Variants in XKR7 observed in about 807,000 individuals in gnomAD.
XKR7 encodes the protein XK-related protein 7.
XKR7 carries 11 observed loss-of-function variants against 42.2 expected under a neutral mutation model. The ratio of observed to expected loss-of-function variants is 0.26; its 90% confidence interval spans 0.16 to 0.43. The LOEUF (loss-of-function observed/expected upper bound fraction) is 0.43, where lower values mean the gene tolerates loss of function less well. Among genes scored for constraint, XKR7 ranks in the 20% least tolerant of loss-of-function variants. XKR7 has a pLI of 1.00. For synonymous variants in XKR7, 346 were observed against 366.4 expected (o/e 0.94, Z 0.64); for missense variants, 710 against 802.2 (o/e 0.89, Z 1.39).
In XKR7 at chr20:31,999,914, C is replaced by G. The variant is rs2064616184; in HGVS notation, c.*2457C>G. The G allele has an allele frequency of 6.6e-6, 1 of 152,258 alleles. No individual in the cohort carries two copies. Among genetic ancestry groups the G allele is most frequent in the Admixed American group, 6.6e-5 (1 of 15,258 alleles). The allele number at this position is 152,258 out of a possible 1,614,324, so 9.4% of individuals were successfully genotyped here. On this transcript the variant is annotated 3_prime_UTR_variant, in exon 3 of 3. Coordinates refer to ENST00000562532, the MANE Select transcript of XKR7 (RefSeq NM_001011718.2). The stretch of plus-strand genomic sequence containing the variant: ...GGTCCTTTACACTCCAGGAGACTCC[C>G]AAGGGGCAGGGATGTGCTGGCAGGG...
Position 31,999,184 on chromosome 20 carries a change from C to T in XKR7, c.*1727C>T, listed in dbSNP as rs1289042924. 1 of 152,148 alleles carries T rather than the reference C, an allele frequency of 6.6e-6. No individual in the cohort carries two copies. Among genetic ancestry groups the T allele is most frequent in the Non-Finnish European group, 1.5e-5 (1 of 68,030 alleles). 9.4% of individuals were successfully genotyped at this position (152,148 alleles called of 1,614,324 possible). A position where few individuals can be genotyped will look rare whatever the true frequency, so the allele number is the denominator to read the frequency against. ...ATGCAAATTAGAGGGATGCTTAGCC[C>T]TCCCTGGTTCAGCCTCTCTTGGGTT... On this transcript the variant is annotated 3_prime_UTR_variant, in exon 3 of 3. Transcript: ENST00000562532.
intron 1 of XKR7, among the ~76,000 whole-genome samples, chr20:31,973,567 G>T (rs2064473436): frequency 6.6e-6 from 1 of 152,172 alleles, no homozygotes; most frequent in Non-Finnish European, 1.5e-5. Context: ...AGATAGGGTG[G>T]TCAGGGTGGA....
chr20:31,991,859 T>A (rs1395949951), intron 1 of XKR7, among the ~76,000 whole-genome samples: 1 of 152,236 alleles, frequency 6.6e-6, no homozygotes, highest in Admixed American at 6.5e-5. Flanking sequence ...GGCCCACACC[T>A]GTTATCCCAG....
At position 31,968,363 on chromosome 20, in the gene XKR7, C is replaced by A; in HGVS notation, c.188C>A (p.Ala63Glu). The A allele has an allele frequency of 6.2e-7, 1 of 1,610,330 alleles. No homozygotes were observed. Among genetic ancestry groups the A allele is most frequent in the Non-Finnish European group, 8.5e-7 (1 of 1,179,274 alleles). The stretch of plus-strand genomic sequence containing the variant: ...CGGGACTGCTGCTGGGTGCTGTGCG[C>A]GCTGCTCGTGTTCTTCTCCGACGGT... ...ELRDCCWVLC[A>E]LLVFFSDGAT... The change falls in exon 1 of 3, where the codon GCG becomes GAG. Residue 63 changes from alanine (A) to glutamate (E), a missense_variant. Coordinates refer to ENST00000562532, the MANE Select transcript of XKR7 (RefSeq NM_001011718.2). The surrounding 1 kb of genome is among the most constrained non-coding windows in gnomAD (Gnocchi z 4.5).
Position 31,999,151 on chromosome 20 carries a change from C to T in XKR7, c.*1694C>T, listed in dbSNP as rs1371482673. ...CTGGAGTGAGGTGGGCCATGAGAAT[C>T]CTAGACTATGCAAATTAGAGGGATG... On this transcript the variant is annotated 3_prime_UTR_variant, in exon 3 of 3. Coordinates refer to ENST00000562532, the MANE Select transcript of XKR7 (RefSeq NM_001011718.2). The T allele has an allele frequency of 6.6e-6, 1 of 151,772 alleles. No homozygotes were observed. The highest frequency in any genetic ancestry group is 2.4e-5 in the African/African-American group (1 of 41,300). 9.4% of individuals were successfully genotyped at this position (151,772 alleles called of 1,614,324 possible). A position where few individuals can be genotyped will look rare whatever the true frequency, so the allele number is the denominator to read the frequency against.
In XKR7 at chr20:31,999,555, G is replaced by A. The variant is rs573496726; in HGVS notation, c.*2098G>A. On this transcript the variant is annotated 3_prime_UTR_variant, in exon 3 of 3. Coordinates refer to ENST00000562532, the MANE Select transcript of XKR7 (RefSeq NM_001011718.2). Reference sequence around the variant, plus strand: ...GGCTGACCCAGGCCCACTCTGTTGGGTTCATCCATCCTCCAAATCCATCTT... The same window carrying A: ...GGCTGACCCAGGCCCACTCTGTTGGATTCATCCATCCTCCAAATCCATCTT... 5.3e-5 allele frequency: 8 copies of A among 152,306 alleles called. No individual in the cohort carries two copies. In the East Asian group the frequency reaches 1.5e-3, roughly 29 times the overall value. 9.4% of individuals were successfully genotyped at this position (152,306 alleles called of 1,614,324 possible). A position where few individuals can be genotyped will look rare whatever the true frequency, so the allele number is the denominator to read the frequency against.
At position 31,990,105 on chromosome 20, in the gene XKR7, C is replaced by T. The variant is rs185538157; in HGVS notation, c.585-4963C>T. Among the ~76,000 whole-genome samples the T allele has an allele frequency of 1.3e-4, 20 of 152,182 alleles. No individual in the cohort carries two copies. In the Middle Eastern group the frequency reaches 0.014, roughly 104 times the overall value. On this transcript the variant is annotated intron_variant, in intron 1 of 2. Transcript: ENST00000562532. Reference sequence around the variant, plus strand: ...TTGCCTGGTGGTGAGGAGGAGCCAGCGGCCCCTGCCCAGTGTATGCTACTC... The same window carrying T: ...TTGCCTGGTGGTGAGGAGGAGCCAGTGGCCCCTGCCCAGTGTATGCTACTC...
At position 31,995,974 on chromosome 20, in the gene XKR7, A is replaced by C. The variant is rs2064589402; in HGVS notation, c.788-531A>C. On this transcript the variant is annotated intron_variant, in intron 2 of 2. Transcript: ENST00000562532. This position sits in a 1 kb window ranked among gnomAD's most constrained non-coding sequence, Gnocchi z 4.1. Reference sequence around the variant, plus strand: ...TCATGGCCCTGGGGACCCCTTGCCCAGTTACGGGGTCCCAATCACAACGCT... The same window carrying C: ...TCATGGCCCTGGGGACCCCTTGCCCCGTTACGGGGTCCCAATCACAACGCT... Among the ~76,000 whole-genome samples, 1 of 151,826 alleles carries C rather than the reference A, an allele frequency of 6.6e-6. No individual in the cohort carries two copies. Among genetic ancestry groups the C allele is most frequent in the African/African-American group, 2.4e-5 (1 of 41,298 alleles).
chr20:31,982,718 A>G (rs73903696), intron 1 of XKR7, among the ~76,000 whole-genome samples: 2 of 152,284 alleles, frequency 1.3e-5, no homozygotes, highest in African/African-American at 4.8e-5. Context: ...GACCCCAAAG[A>G]ATACTTGCCC....
intron 1 of XKR7, among the ~76,000 whole-genome samples, chr20:31,969,607 C>A (rs1380497767): frequency 6.6e-6 from 1 of 152,212 alleles, no homozygotes; most frequent in African/African-American, 2.4e-5. Flanking sequence ...GTAGCTTAGG[C>A]CCTTCTGTGC....
At chr20:31,987,897 A>C (rs2064550260) in intron 1 of XKR7, among the ~76,000 whole-genome samples, 1 of 152,218 alleles carries the variant, frequency 6.6e-6, no homozygotes, top group Non-Finnish European at 1.5e-5. Context: ...GGATTCCAGG[A>C]TTTTGGAACT....
chr20:31,970,366 C>T (rs2064459348), intron 1 of XKR7: 1 of 152,224 alleles, frequency 6.6e-6, no homozygotes, highest in Non-Finnish European at 1.5e-5. Context: ...TACTTCTCTT[C>T]TTTGTTAAGC....
chr20:31,969,820 G>A (rs1006003743), intron 1 of XKR7, among the ~76,000 whole-genome samples: 2 of 152,206 alleles, frequency 1.3e-5, no homozygotes, highest in Non-Finnish European at 2.9e-5. Context: ...TTTTAAGAGT[G>A]TGGGGAAAGC....
At chr20:31,977,238 A>G (rs1340580687) in intron 1 of XKR7, among the ~76,000 whole-genome samples, 1 of 152,178 alleles carries the variant, frequency 6.6e-6, no homozygotes, top group Non-Finnish European at 1.5e-5. Context: ...GTACTCAATA[A>G]ATGTTGGTGT....
chr20:31,989,864 T>C, intron 1 of XKR7, among the ~76,000 whole-genome samples: 1 of 152,140 alleles, frequency 6.6e-6, no homozygotes, highest in East Asian at 1.9e-4. Flanking sequence ...CCTCCCGCCT[T>C]GGCCTCCCAA....
In XKR7 at chr20:31,968,588, C is replaced by A; in HGVS notation, c.413C>A (p.Ala138Asp). The A allele has an allele frequency of 6.2e-7, 1 of 1,609,604 alleles. No individual in the cohort carries two copies. Among genetic ancestry groups the A allele is most frequent in the South Asian group, 1.1e-5 (1 of 90,934 alleles). ...STKDSVAGGA[A>D]ISTKDSAGAF... ...AAGGACAGCGTAGCCGGCGGAGCCGCCATCAGCACCAAGGACAGCGCCGGC... is the reference window on the plus strand; with the variant it reads ...AAGGACAGCGTAGCCGGCGGAGCCGACATCAGCACCAAGGACAGCGCCGGC... The change falls in exon 1 of 3, where the codon GCC (alanine) becomes GAC (aspartate). Residue 138 changes from alanine (A) to aspartate (D), a missense_variant. Coordinates refer to ENST00000562532, the MANE Select transcript of XKR7 (RefSeq NM_001011718.2). The surrounding 1 kb of genome is among the most constrained non-coding windows in gnomAD (Gnocchi z 4.5).
chr20:31,974,064 G>A (rs1447071452), intron 1 of XKR7, among the ~76,000 whole-genome samples: 4 of 152,094 alleles, frequency 2.6e-5, no homozygotes, highest in South Asian at 4.1e-4. Context: ...ATGGTGGTGC[G>A]CACCTGTAAT....
Position 32,002,404 on chromosome 20 carries a change from A to T in XKR7, c.*4947A>T, listed in dbSNP as rs1367775686. 1.3e-5 allele frequency: 2 copies of T among 152,134 alleles called. No homozygotes were observed. The highest frequency in any genetic ancestry group is 4.8e-5 in the African/African-American group (2 of 41,420). The allele number at this position is 152,134 out of a possible 1,614,324, so 9.4% of individuals were successfully genotyped here. On this transcript the variant is annotated 3_prime_UTR_variant, in exon 3 of 3. Coordinates refer to ENST00000562532, the MANE Select transcript of XKR7 (RefSeq NM_001011718.2). ...GGGGTACAGAAGGTGCCAGGGGGGA[A>T]AAGGTGATTCCTCCATCTCTCTCTC...
Position 31,997,258 on chromosome 20 carries a change from G to A in XKR7, c.1541G>A (p.Arg514His), listed in dbSNP as rs748529332. 3.1e-5 allele frequency: 50 copies of A among 1,611,892 alleles called. No homozygotes were observed. Among genetic ancestry groups the A allele is most frequent in the Middle Eastern group, 1.6e-4 (1 of 6,080 alleles). ...RPGLPPTPVA[R>H]TLRTEGPVIR... ...GGCTTGCCTCCCACACCAGTGGCCCGCACCTTGCGGACAGAGGGGCCTGTC... is the reference window on the plus strand; with the variant it reads ...GGCTTGCCTCCCACACCAGTGGCCCACACCTTGCGGACAGAGGGGCCTGTC... Residue 514 changes from arginine to histidine, a missense_variant, in exon 3 of 3, where the codon CGC (arginine) becomes CAC (histidine). Arg to His is a conservative substitution (Grantham distance 29). Coordinates refer to ENST00000562532, the MANE Select transcript of XKR7 (RefSeq NM_001011718.2).
Sources: allele counts gnomAD v4.1 joint callset (sites outside exome capture counted in the v4.1 genomes callset), GRCh38; gene constraint gnomAD v4.1.1; non-coding constraint Gnocchi (gnomAD v3.1); transcripts MANE v1.5; gene names NCBI Gene and HGNC (gene_info 2026-07-23, HGNC 2026-07-21).